BMX: variants seen among roughly 807,000 people sequenced by gnomAD.
The protein encoded by BMX is cytoplasmic tyrosine-protein kinase BMX.
Under a neutral mutation model 59.2 loss-of-function variants are expected in BMX, and 31 were observed. The ratio of observed to expected loss-of-function variants is 0.52; its 90% confidence interval spans 0.39 to 0.71. The LOEUF (loss-of-function observed/expected upper bound fraction) is 0.71, where lower values mean the gene tolerates loss of function less well. Ranked by LOEUF, BMX falls within the 30% of genes least tolerant of loss-of-function variation. The pLI, the probability that BMX is intolerant of heterozygous loss-of-function variation, is 0.00. For synonymous variants in BMX, 185 were observed against 181.0 expected (o/e 1.02, Z -0.18); for missense variants, 474 against 491.7 (o/e 0.96, Z 0.34).
intron 9 of BMX, among the ~76,000 whole-genome samples, chrX:15,527,212 A>C (rs868043536): frequency 3.5e-5 from 3 of 86,931 alleles, no homozygotes; most frequent in African/African-American, 1.4e-4. Context: ...AAAAAAAAAA[A>C]AAAAACAACA....
At position 15,500,873 on chromosome X, in the gene BMX, GC is replaced by G; in HGVS notation, c.-75del. ...TGCTTCTGGAAACAGGACAGCCGGG[GC>G]CGTGTTCCTGCAACAGCAGACCAAG... On this transcript the variant is annotated 5_prime_UTR_variant, in exon 1 of 19. Coordinates refer to ENST00000348343, the MANE Select transcript of BMX (RefSeq NM_203281.3). 1 of 754,113 alleles carries G rather than the reference GC, an allele frequency of 1.3e-6. No homozygotes were observed. The highest frequency in any genetic ancestry group is 1.6e-6 in the Non-Finnish European group (1 of 639,373). 62.1% of individuals were successfully genotyped at this position (754,113 alleles called of 1,213,427 possible).
chrX:15,523,614 G>T (rs988977523), intron 7 of BMX, among the ~76,000 whole-genome samples: 1 of 111,269 alleles, frequency 9.0e-6, no homozygotes, highest in African/African-American at 3.3e-5. Flanking sequence ...ACATTTGTGC[G>T]CCTGCAGCCC....
chrX:15,542,036 C>A lies in BMX; in HGVS notation c.1449C>A (p.Tyr483Ter). 1 of 1,210,683 alleles carries A rather than the reference C, an allele frequency of 8.3e-7. No homozygotes were observed. The highest frequency in any genetic ancestry group is 3.0e-5 in the East Asian group (1 of 33,829). Residue 483 changes from tyrosine (Y) to a stop codon, truncating the protein, a stop_gained, in exon 15 of 19, where the codon TAC (tyrosine) becomes TAA (stop). Transcript: ENST00000348343. LOFTEE classifies it high-confidence loss of function. Reference sequence around the variant, plus strand: ...TCTATGGAGTGTGTTCAAAGGAATACCCCATATACATAGTGACTGAATATA... The same window carrying A: ...TCTATGGAGTGTGTTCAAAGGAATAACCCATATACATAGTGACTGAATATA... Reference protein sequence around the residue: ...VKFYGVCSKEYPIYIVTEYIS... With the variant: ...VKFYGVCSKE
chrX:15,521,001 C>T (rs781749418), intron 6 of BMX, among the ~76,000 whole-genome samples: 1 of 108,834 alleles, frequency 9.2e-6, no homozygotes, highest in African/African-American at 3.5e-5. Flanking sequence ...ATATTAAATG[C>T]ATCTCTTTCT....
chrX:15,536,345 C>T lies in BMX; in HGVS notation c.1148-8C>T. The T allele has an allele frequency of 8.3e-7, 1 of 1,205,368 alleles. No individual in the cohort carries two copies. The highest frequency in any genetic ancestry group is 1.1e-6 in the Non-Finnish European group (1 of 891,362). On this transcript the variant is annotated splice_polypyrimidine_tract_variant and splice_region_variant and intron_variant, in intron 12 of 18. Transcript: ENST00000348343. ...TGATGTGATGATATGATGCTGATTCCATTGCAGGCATGATCACACGGCTCC... is the reference window on the plus strand; with the variant it reads ...TGATGTGATGATATGATGCTGATTCTATTGCAGGCATGATCACACGGCTCC...
At chrX:15,502,194 T>G in intron 1 of BMX, among the ~76,000 whole-genome samples, 2 of 111,670 alleles carry the variant, frequency 1.8e-5, no homozygotes, top group Admixed American at 1.9e-4. Flanking sequence ...ACATGACAGA[T>G]TCCATAGAGA....
intron 7 of BMX, among the ~76,000 whole-genome samples, chrX:15,524,462 C>T (rs1924612472): frequency 8.9e-6 from 1 of 112,071 alleles, no homozygotes; most frequent in Non-Finnish European, 1.9e-5. Flanking sequence ...TCTGTAAGTA[C>T]CAGTTGTATA....
In BMX at chrX:15,516,133, T is replaced by G; in HGVS notation, c.347T>G (p.Leu116Arg). 8.3e-7 allele frequency: 1 copy of G among 1,211,217 alleles called. No homozygotes were observed. Among genetic ancestry groups the G allele is most frequent in the Non-Finnish European group, 1.1e-6 (1 of 894,856 alleles). The change falls in exon 5 of 19, where the codon CTG becomes CGG. Residue 116 changes from leucine to arginine, a missense_variant. Transcript: ENST00000348343. ...LQKEIRGNPH[L>R]LVKYHSGFFV... ...TCAGAGATAAGGGGTAACCCCCACC[T>G]GCTGGTCAAGTACCATAGTGGGTTC...
intron 11 of BMX, among the ~76,000 whole-genome samples, chrX:15,533,880 A>G (rs1290265851): frequency 9.0e-6 from 1 of 111,487 alleles, no homozygotes; most frequent in Non-Finnish European, 1.9e-5. Context: ...GATCCTGAAG[A>G]ACTACAAGCC....
At chrX:15,528,952 C>A (rs1924932522) in intron 9 of BMX, among the ~76,000 whole-genome samples, 1 of 111,818 alleles carries the variant, frequency 8.9e-6, no homozygotes, top group Non-Finnish European at 1.9e-5. Context: ...AAAATGTTGA[C>A]TAATAAGAAA....
chrX:15,508,538 C>A, intron 2 of BMX, 47 bp downstream of exon 2: 1 of 1,009,441 alleles, frequency 9.9e-7, no homozygotes. Flanking sequence ...TATTATTTTT[C>A]CTAAGTCTCC....
chrX:15,541,314 A>G (rs1327387316), intron 14 of BMX, among the ~76,000 whole-genome samples: 1 of 110,893 alleles, frequency 9.0e-6, no homozygotes, highest in Non-Finnish European at 1.9e-5. Flanking sequence ...TCATTTTAAA[A>G]AGGGTGCTGG....
intron 16 of BMX, among the ~76,000 whole-genome samples, chrX:15,544,458 A>G (rs111419465): frequency 0.018 from 2,065 of 111,720 alleles, 47 homozygotes; most frequent in African/African-American, 0.063. Context: ...AGAAGCTCCC[A>G]GGTCAAGGGA....
chrX:15,511,322 T>A, intron 3 of BMX, 115 bp from the exon 4 acceptor site: 1 of 512,976 alleles, frequency 1.9e-6, no homozygotes, highest in Non-Finnish European at 3.2e-6. Context: ...CCAGAGCTGA[T>A]GTATACTGTA....
chrX:15,524,155 A>G (rs761507489), intron 7 of BMX, among the ~76,000 whole-genome samples: 16 of 112,023 alleles, frequency 1.4e-4, no homozygotes, highest in Non-Finnish European at 2.6e-4. Flanking sequence ...AATATTACAG[A>G]ATATTCCATT....
intron 3 of BMX, 80 bp from the exon 4 acceptor site, chrX:15,511,357 G>T: frequency 1.2e-6 from 1 of 827,644 alleles, no homozygotes; most frequent in Non-Finnish European, 1.7e-6. Flanking sequence ...GTTTCTTTTG[G>T]ATGACAAAAA....
intron 5 of BMX, 22 bp from the exon 6 acceptor site, chrX:15,517,907 A>G: frequency 2.6e-6 from 3 of 1,175,665 alleles, no homozygotes; most frequent in Non-Finnish European, 2.3e-6. Context: ...TCCTTCTGAT[A>G]TTACTTTGTT....
chrX:15,555,871 TA>T (rs776637165), intron 18 of BMX, among the ~76,000 whole-genome samples: 265 of 112,440 alleles, frequency 2.4e-3, no homozygotes, highest in African/African-American at 8.0e-3. Flanking sequence ...TTGCATTGGT[TA>T]ACACCTTCAA....
At chrX:15,553,065 T>C (rs1328050664) in intron 18 of BMX, among the ~76,000 whole-genome samples, 2 of 112,429 alleles carry the variant, frequency 1.8e-5, no homozygotes, top group East Asian at 5.5e-4. Context: ...GACTGAATCA[T>C]TACAGTGGAC....
Sources: allele counts gnomAD v4.1 joint callset (sites outside exome capture counted in the v4.1 genomes callset), GRCh38; gene constraint gnomAD v4.1.1; transcripts MANE v1.5; gene names NCBI Gene and HGNC (gene_info 2026-07-23, HGNC 2026-07-21).